Variants in CYP2J2 observed in about 807,000 individuals in gnomAD.
The protein encoded by CYP2J2 is cytochrome P450 family 2 subfamily J member 2.
Under a neutral mutation model 48.8 loss-of-function variants are expected in CYP2J2, and 41 were observed. That is an observed-to-expected ratio of 0.84 (90% CI 0.66 to 1.09). The LOEUF is 1.09. CYP2J2 is among the 50% of genes least tolerant of loss of function. The pLI is 0.00. For missense variants in CYP2J2, 644 were observed against 617.3 expected (o/e 1.04, Z -0.46); for synonymous variants, 221 against 227.1 (o/e 0.97, Z 0.24).
intron 6 of CYP2J2, among the ~76,000 whole-genome samples, chr1:59,907,166 T>C (rs1644371688): frequency 6.6e-6 from 1 of 152,186 alleles, no homozygotes; most frequent in African/African-American, 2.4e-5. Flanking sequence ...AAAATGCTAA[T>C]AATTTCCTAG....
intron 6 of CYP2J2, among the ~76,000 whole-genome samples, chr1:59,906,194 C>T (rs1249554421): frequency 6.6e-6 from 1 of 152,166 alleles, no homozygotes; most frequent in Admixed American, 6.5e-5. Flanking sequence ...ATATATTTTC[C>T]AGGTCCTATT....
chr1:59,959,610 TG>T, the CYP2J2 span, among the ~76,000 whole-genome samples: 1 of 151,216 alleles, frequency 6.6e-6, no homozygotes, highest in South Asian at 2.1e-4. Context: ...GTGCTATATA[TG>T]TATATATGTG....
At chr1:59,911,917 C>A (rs551824452) in intron 3 of CYP2J2, 149 bp from the exon 4 acceptor site, 5 of 900,372 alleles carry the variant, frequency 5.6e-6, no homozygotes, top group African/African-American at 1.7e-5. Context: ...ATCTGACATA[C>A]AACAAGTATT....
chr1:59,952,823 C>G, the CYP2J2 span, among the ~76,000 whole-genome samples: 1 of 152,158 alleles, frequency 6.6e-6, no homozygotes. Flanking sequence ...TAGCAGCCAG[C>G]AAGGCATGGT....
At chr1:59,894,393 T>C (rs1396829066) in intron 8 of CYP2J2, among the ~76,000 whole-genome samples, 1 of 152,156 alleles carries the variant, frequency 6.6e-6, no homozygotes, top group African/African-American at 2.4e-5. Flanking sequence ...GTTCTTCTTA[T>C]GCACAGTGGC....
At chr1:59,942,997 C>T in the CYP2J2 span, among the ~76,000 whole-genome samples, 1 of 151,932 alleles carries the variant, frequency 6.6e-6, no homozygotes, top group Non-Finnish European at 1.5e-5. Context: ...GTTAATGTTT[C>T]AATTTTGGGT....
the CYP2J2 span, among the ~76,000 whole-genome samples, chr1:59,950,211 A>G: frequency 6.6e-6 from 1 of 152,162 alleles, no homozygotes; most frequent in Non-Finnish European, 1.5e-5. Flanking sequence ...TAGGAGAAAC[A>G]GGATATTTGG....
chr1:59,938,375 G>A, the CYP2J2 span, among the ~76,000 whole-genome samples: 1 of 152,212 alleles, frequency 6.6e-6, no homozygotes, highest in East Asian at 1.9e-4. Context: ...AAATGTGGTA[G>A]GAGAGCAGGG....
chr1:59,935,025 T>TATATAC, the CYP2J2 span, among the ~76,000 whole-genome samples: 2 of 85,840 alleles, frequency 2.3e-5, no homozygotes, highest in East Asian at 7.8e-4. Flanking sequence ...CATATATATA[T>TATATAC]ATATATATAT....
At chr1:59,954,504 TTAAA>T in the CYP2J2 span, among the ~76,000 whole-genome samples, 3 of 148,428 alleles carry the variant, frequency 2.0e-5, no homozygotes, top group African/African-American at 7.6e-5. Flanking sequence ...TTCAAATGAA[TTAAA>T]TAACCATTTT....
At chr1:59,968,201 T>C in the CYP2J2 span, among the ~76,000 whole-genome samples, 3 of 152,156 alleles carry the variant, frequency 2.0e-5, no homozygotes, top group Admixed American at 1.3e-4. Context: ...CCCAGAAAAG[T>C]TTCTTTAAAA....
rs565115852 is a variant in CYP2J2 at position 59,910,050 on chromosome 1, C to T, written c.685-90G>A. ...CAGAAACCATCTTCTCTTTCCGTCT[C>T]TTTTATTTGCTCACACTTAAACCTT... On this transcript the variant is annotated intron_variant, in intron 4 of 8. Coordinates refer to ENST00000371204, the MANE Select transcript of CYP2J2 (RefSeq NM_000775.4). The T allele has an allele frequency of 1.1e-3, 1,069 of 999,594 alleles. 3 individuals carry two copies. Among genetic ancestry groups the T allele is most frequent in the Non-Finnish European group, 1.5e-3 (985 of 671,576 alleles). The allele number at this position is 999,594 out of a possible 1,614,324, so 61.9% of individuals were successfully genotyped here.
intron 8 of CYP2J2, among the ~76,000 whole-genome samples, chr1:59,897,433 T>G (rs1644279123): frequency 6.6e-6 from 1 of 152,186 alleles, no homozygotes; most frequent in Non-Finnish European, 1.5e-5. Flanking sequence ...TAGGCAAGGA[T>G]CCCAATGCAA....
At chr1:59,958,571 T>A in the CYP2J2 span, among the ~76,000 whole-genome samples, 1 of 152,166 alleles carries the variant, frequency 6.6e-6, no homozygotes, top group African/African-American at 2.4e-5. Context: ...CCCAGTCCCC[T>A]CCACTCCAGA....
rs777416679 is a variant in CYP2J2, at chr1:59,904,907, T to C, written c.1155A>G (p.Thr385=). The C allele has an allele frequency of 1.2e-6, 2 of 1,613,902 alleles. No individual in the cohort carries two copies. The highest frequency in any genetic ancestry group is 1.7e-6 in the Non-Finnish European group (2 of 1,179,908). The change falls in exon 7 of 9, where the codon ACA becomes ACG. Residue 385 remains threonine, a synonymous_variant. Coordinates refer to ENST00000371204, the MANE Select transcript of CYP2J2 (RefSeq NM_000775.4). ...IIPLNVPREV[T]VDTTLAGYHL... is the part of the protein sequence containing the mutation. ...GGTACCCAGCCAAAGTGGTATCAAC[T>C]GTCACTTCCCTGGGAACGTTCAGGG...
the CYP2J2 span, among the ~76,000 whole-genome samples, chr1:59,935,049 T>TATATATATATATATATAC: frequency 9.9e-6 from 1 of 100,724 alleles, no homozygotes; most frequent in East Asian, 2.7e-4. Flanking sequence ...TATATATATA[T>TATATATATATATATATAC]ATACACAACA....
At chr1:59,945,156 T>C in the CYP2J2 span, among the ~76,000 whole-genome samples, 1 of 152,148 alleles carries the variant, frequency 6.6e-6, no homozygotes, top group African/African-American at 2.4e-5. Context: ...GTTAAAAAAA[T>C]GGTTAAGAAC....
chr1:59,946,207 CCTT>C, the CYP2J2 span, among the ~76,000 whole-genome samples: 1 of 152,194 alleles, frequency 6.6e-6, no homozygotes, highest in African/African-American at 2.4e-5. Flanking sequence ...AGGATTCTCA[CCTT>C]CTTTTAGTCT....
upstream of CYP2J2, among the ~76,000 whole-genome samples, chr1:59,927,773 G>T (rs1001723917): frequency 1.3e-5 from 2 of 152,006 alleles, no homozygotes; most frequent in African/African-American, 4.8e-5. Flanking sequence ...GGGTTTCGCC[G>T]TGTTGGTCAG....
Sources: gnomAD v4.1 joint callset for allele counts (sites outside exome capture counted in the v4.1 genomes callset) on GRCh38, gnomAD v4.1.1 for gene constraint, MANE v1.5 for transcripts, NCBI Gene and HGNC (gene_info 2026-07-23, HGNC 2026-07-21) for gene names.